The following BBX variants were observed in gnomAD, a reference collection of about 807,000 sequenced individuals.
The protein encoded by BBX is BBX high mobility group box domain containing.
In BBX, 30 loss-of-function variants were observed where a neutral mutation model predicts 100.2. The ratio of observed to expected loss-of-function variants is 0.30; its 90% CI spans 0.22 to 0.41. The LOEUF (loss-of-function observed/expected upper bound fraction) is 0.41. BBX is among the 10% of genes least tolerant of loss of function. BBX has a pLI of 1.00. For missense variants in BBX, 1,023 were observed against 1,129.8 expected (o/e 0.91, Z 1.35); for synonymous variants, 376 against 388.1 (o/e 0.97, Z 0.37).
chr3:107,662,811 A>C (rs914328245), intron 3 of BBX: 6 of 152,164 alleles, frequency 3.9e-5, no homozygotes, highest in African/African-American at 1.4e-4. Context: ...CACAATGCTG[A>C]ATCTCAATTT....
At chr3:107,656,780 C>T (rs2058168552) in intron 3 of BBX, among the ~76,000 whole-genome samples, 1 of 152,112 alleles carries the variant, frequency 6.6e-6, no homozygotes. Flanking sequence ...TACACACTGT[C>T]AAGATCAGGA....
rs1225215179 is a variant in BBX at position 107,716,782 on chromosome 3, T to C, written c.338T>C (p.Ile113Thr). 1 of 1,613,746 alleles carries C rather than the reference T, an allele frequency of 6.2e-7. No homozygotes were observed. Among genetic ancestry groups the C allele is most frequent in the South Asian group, 1.1e-5 (1 of 91,068 alleles). Residue 113 changes from isoleucine (I) to threonine (T), a missense_variant, in exon 5 of 18, where the codon ATA becomes ACA. By Grantham distance (89) the Ile-to-Thr change is moderately conservative. Coordinates refer to ENST00000325805, the MANE Select transcript of BBX (RefSeq NM_001142568.3). ...PRLDNRGATK[I>T]LADWWAVLDP... ...CTTGATAACCGAGGTGCTACCAAGATACTAGCTGATTGGTGGGCTGTTCTT... is the reference window on the plus strand; with the variant it reads ...CTTGATAACCGAGGTGCTACCAAGACACTAGCTGATTGGTGGGCTGTTCTT...
intron 2 of BBX, among the ~76,000 whole-genome samples, chr3:107,605,374 T>TA (rs2054354477): frequency 2.7e-5 from 1 of 37,548 alleles, no homozygotes; most frequent in South Asian, 2.3e-3. Flanking sequence ...CTTCACTTTC[T>TA]ATTTTTTTTT....
intron 3 of BBX, among the ~76,000 whole-genome samples, chr3:107,674,017 C>G (rs947882393): frequency 6.6e-6 from 1 of 152,092 alleles, no homozygotes; most frequent in South Asian, 2.1e-4. Context: ...TAATCACTCT[C>G]TTTAGAAAAA....
chr3:107,583,584 T>G (rs2052443087), intron 2 of BBX, among the ~76,000 whole-genome samples: 1 of 151,780 alleles, frequency 6.6e-6, no homozygotes, highest in Non-Finnish European at 1.5e-5. Context: ...CCTTGAACAT[T>G]TATCTTTTCT....
chr3:107,626,464 A>G (rs2056181790), intron 2 of BBX, among the ~76,000 whole-genome samples: 1 of 152,154 alleles, frequency 6.6e-6, no homozygotes, highest in African/African-American at 2.4e-5. Context: ...GGAGTCACTT[A>G]GCTGTGTGAT....
At position 107,712,876 on chromosome 3, in the gene BBX, T is replaced by C. The variant is rs1049006753; in HGVS notation, c.162+2254T>C. Among the ~76,000 whole-genome samples, 11 of 152,178 alleles carry C rather than the reference T, an allele frequency of 7.2e-5. 2 individuals carry two copies. In the East Asian group the frequency reaches 9.6e-4, roughly 13 times the overall value. ...ATAGCAGGAACCCAGTAAATATTTA[T>C]TGGGGGAGGGATTAAAGTCATTGAG... On this transcript the variant is annotated intron_variant, in intron 4 of 17. Coordinates refer to ENST00000325805, the MANE Select transcript of BBX (RefSeq NM_001142568.3).
At chr3:107,720,291 T>A (rs1164915805) in intron 5 of BBX, among the ~76,000 whole-genome samples, 1 of 152,008 alleles carries the variant, frequency 6.6e-6, no homozygotes, top group African/African-American at 2.4e-5. Flanking sequence ...GAAAGAGAAG[T>A]ATATTTGGGT....
At chr3:107,667,145 G>C (rs1189471937) in intron 3 of BBX, among the ~76,000 whole-genome samples, 1 of 152,190 alleles carries the variant, frequency 6.6e-6, no homozygotes, top group Non-Finnish European at 1.5e-5. Flanking sequence ...TTCAAGGAGA[G>C]AAACATTCTT....
chr3:107,716,886 G>T (rs1042391143), intron 5 of BBX, 37 bp downstream of exon 5: 1 of 1,602,694 alleles, frequency 6.2e-7, no homozygotes. Flanking sequence ...ATAGCTAAAA[G>T]CAACCAGTCC....
chr3:107,758,287 T>C (rs2065640844), intron 10 of BBX, among the ~76,000 whole-genome samples: 1 of 152,198 alleles, frequency 6.6e-6, no homozygotes, highest in African/African-American at 2.4e-5. Context: ...ATCCTTTACC[T>C]ATCTGACCAG....
At chr3:107,713,979 T>C (rs1408528704) in intron 4 of BBX, among the ~76,000 whole-genome samples, 9 of 133,774 alleles carry the variant, frequency 6.7e-5, no homozygotes, top group South Asian at 2.8e-4. Context: ...TTTTTTTTTT[T>C]TTTTTTTTTT....
In BBX at chr3:107,545,107, T is replaced by A. The variant is rs1165371110; in HGVS notation, c.-84+18709T>A. ...CCTCTGCGGTTTATTGACAAAAGTCTTTACATTCTGTTACATATCTCTTGG... is the reference window on the plus strand; with the variant it reads ...CCTCTGCGGTTTATTGACAAAAGTCATTACATTCTGTTACATATCTCTTGG... On this transcript the variant is annotated intron_variant, in intron 2 of 17. Coordinates refer to ENST00000325805, the MANE Select transcript of BBX (RefSeq NM_001142568.3). 1.3e-5 allele frequency among the ~76,000 whole-genome samples: 2 copies of A among 152,214 alleles called. 1 individual carries two copies. The highest frequency in any genetic ancestry group is 1.3e-4 in the Admixed American group (2 of 15,280).
chr3:107,777,978 T>C (rs1226211219), intron 12 of BBX, among the ~76,000 whole-genome samples: 1 of 152,108 alleles, frequency 6.6e-6, no homozygotes, highest in Non-Finnish European at 1.5e-5. Flanking sequence ...ATATATCATA[T>C]GGTAATTTAA....
At chr3:107,642,885 G>A (rs549384042) in intron 2 of BBX, among the ~76,000 whole-genome samples, 1 of 152,176 alleles carries the variant, frequency 6.6e-6, no homozygotes, top group South Asian at 2.1e-4. Context: ...TGAATTAGGG[G>A]TATGTATGAA....
At chr3:107,717,299 A>G (rs2062174720) in intron 5 of BBX, among the ~76,000 whole-genome samples, 1 of 152,124 alleles carries the variant, frequency 6.6e-6, no homozygotes, top group Non-Finnish European at 1.5e-5. Flanking sequence ...CTGTAGTTAT[A>G]TCATGGGAAA....
intron 2 of BBX, among the ~76,000 whole-genome samples, chr3:107,601,904 A>G (rs934725330): frequency 8.5e-5 from 13 of 152,250 alleles, no homozygotes; most frequent in Non-Finnish European, 1.3e-4. Context: ...AAGAGCTTCA[A>G]AGGACAGGCT....
intron 3 of BBX, among the ~76,000 whole-genome samples, chr3:107,649,033 G>A (rs2057686382): frequency 6.6e-6 from 1 of 152,218 alleles, no homozygotes; most frequent in African/African-American, 2.4e-5. Flanking sequence ...TGGCTGGGAG[G>A]CCTCACAATC....
At chr3:107,687,425 G>C (rs965100848) in intron 3 of BBX, among the ~76,000 whole-genome samples, 1 of 151,956 alleles carries the variant, frequency 6.6e-6, no homozygotes, top group African/African-American at 2.4e-5. Flanking sequence ...GAATGGAGAG[G>C]GGGGAATGGA....
Sources: allele counts gnomAD v4.1 joint callset (sites outside exome capture counted in the v4.1 genomes callset), GRCh38; gene constraint gnomAD v4.1.1; transcripts MANE v1.5; gene names NCBI Gene and HGNC (gene_info 2026-07-23, HGNC 2026-07-21).